Variants in CAMTA1 observed in about 807,000 individuals in gnomAD.
CAMTA1 encodes calmodulin-binding transcription activator 1.
Under a neutral mutation model 170.9 loss-of-function variants are expected in CAMTA1, and 27 were observed. The ratio of observed to expected loss-of-function variants is 0.16; its 90% CI spans 0.12 to 0.22. The LOEUF is 0.22. Among genes scored for constraint, CAMTA1 ranks in the 10% least tolerant of loss-of-function variants. CAMTA1 has a pLI of 1.00. For missense variants in CAMTA1, 1,619 were observed against 2,217.2 expected, an observed-to-expected ratio of 0.73 and a Z score of 5.42; for synonymous variants, 833 against 891.5, an observed-to-expected ratio of 0.93 and a Z score of 1.17.
intron 5 of CAMTA1, among the ~76,000 whole-genome samples, chr1:7,332,178 C>T (rs1208807210): frequency 6.6e-6 from 1 of 152,196 alleles, no homozygotes; most frequent in Non-Finnish European, 1.5e-5. Flanking sequence ...ATCTGCCAGT[C>T]ACTCTGAGTT....
At chr1:7,134,586 G>A (rs1196968157) in intron 4 of CAMTA1, among the ~76,000 whole-genome samples, 1 of 152,126 alleles carries the variant, frequency 6.6e-6, no homozygotes, top group African/African-American at 2.4e-5. Flanking sequence ...GGGATTATAG[G>A]ACTGAGCCAC....
intron 4 of CAMTA1, among the ~76,000 whole-genome samples, chr1:7,244,688 C>A (rs1383857864): frequency 2.0e-5 from 3 of 150,424 alleles, no homozygotes; most frequent in African/African-American, 7.4e-5. Context: ...GGGAACTGAA[C>A]AATGAGAGCC....
chr1:7,556,651 C>A (rs2094882505), intron 6 of CAMTA1, among the ~76,000 whole-genome samples: 1 of 152,158 alleles, frequency 6.6e-6, no homozygotes, highest in South Asian at 2.1e-4. Context: ...ACGCTCCAGA[C>A]ACACTGGCCT....
chr1:7,107,301 T>TGTGTGCGCGC (rs765615131), intron 4 of CAMTA1, among the ~76,000 whole-genome samples: 4 of 151,046 alleles, frequency 2.6e-5, no homozygotes, highest in African/African-American at 9.8e-5. Flanking sequence ...TGTGTGTGTG[T>TGTGTGCGCGC]GCGCGCCCAC....
In CAMTA1 at chr1:7,269,410, G is replaced by A. The variant is rs547315333; in HGVS notation, c.438+19784G>A. Reference sequence around the variant, plus strand: ...GAGAAAGTTTGCTAGCAATATAGAAGTCACAGTTTTTTGTAACCTTATTAC... The same window carrying A: ...GAGAAAGTTTGCTAGCAATATAGAAATCACAGTTTTTTGTAACCTTATTAC... On this transcript the variant is annotated intron_variant, in intron 5 of 22. Transcript: ENST00000303635. Among the ~76,000 whole-genome samples, 4 of 152,306 alleles carry A rather than the reference G, an allele frequency of 2.6e-5. No individual in the cohort carries two copies. In the South Asian group the frequency reaches 8.3e-4, roughly 32 times the overall value.
At chr1:7,764,835 C>A (rs942816999) in intron 22 of CAMTA1, among the ~76,000 whole-genome samples, 2 of 152,038 alleles carry the variant, frequency 1.3e-5, no homozygotes, top group African/African-American at 4.8e-5. Flanking sequence ...TGGTGCGTGC[C>A]TGTAATCCCA....
intron 7 of CAMTA1, among the ~76,000 whole-genome samples, chr1:7,643,830 C>T (rs2095784822): frequency 6.6e-6 from 1 of 152,312 alleles, no homozygotes; most frequent in Non-Finnish European, 1.5e-5. Context: ...CCTGGAAATG[C>T]GGCTGCAGGA....
chr1:7,346,655 G>A (rs150794779), intron 5 of CAMTA1, among the ~76,000 whole-genome samples: 93 of 152,250 alleles, frequency 6.1e-4, no homozygotes, highest in African/African-American at 2.0e-3. Context: ...TTAAGTTTGC[G>A]CCTCCAGAAG....
At position 7,044,093 on chromosome 1, in the gene CAMTA1, G is replaced by A. The variant is rs1704953953; in HGVS notation, c.235-47211G>A. Among the ~76,000 whole-genome samples, 1 of 152,216 alleles carries A rather than the reference G, an allele frequency of 6.6e-6. No individual in the cohort carries two copies. Among genetic ancestry groups the A allele is most frequent in the Admixed American group, 6.5e-5 (1 of 15,286 alleles). ...GCAGTGATCTACGGGAGATGCTGCC[G>A]CCATCCCCTTCAGTGGGAATTTCTC... On this transcript the variant is annotated intron_variant, in intron 3 of 22. Coordinates refer to ENST00000303635, the MANE Select transcript of CAMTA1 (RefSeq NM_015215.4). This position sits in a 1 kb window ranked among gnomAD's most constrained non-coding sequence, Gnocchi z 5.0.
chr1:7,417,668 C>T (rs956253297), intron 5 of CAMTA1, among the ~76,000 whole-genome samples: 6 of 152,284 alleles, frequency 3.9e-5, no homozygotes, highest in South Asian at 4.1e-4. Flanking sequence ...TTCCAGGTGC[C>T]GTCTGTCACC....
intron 5 of CAMTA1, among the ~76,000 whole-genome samples, chr1:7,296,150 G>C (rs1673909339): frequency 6.6e-6 from 1 of 152,200 alleles, no homozygotes; most frequent in Admixed American, 6.5e-5. Flanking sequence ...TGCTTCATCA[G>C]AGTGAGCAAG....
intron 3 of CAMTA1, among the ~76,000 whole-genome samples, chr1:6,899,154 G>A (rs1432720704): frequency 6.6e-6 from 1 of 152,180 alleles, no homozygotes; most frequent in Non-Finnish European, 1.5e-5. Context: ...ATGCACTGTG[G>A]ATGATAAATA....
rs548607087 is a variant in CAMTA1 at position 7,499,275 on chromosome 1, T to A, written c.510+31374T>A. Among the ~76,000 whole-genome samples, 6 of 117,312 alleles carry A rather than the reference T, an allele frequency of 5.1e-5. No homozygotes were observed. In the South Asian group the frequency reaches 8.5e-4, roughly 17 times the overall value. The allele number at this position is 117,312 out of a possible 152,430, so 77.0% of individuals were successfully genotyped here. A position where few individuals can be genotyped will look rare whatever the true frequency, so the allele number is the denominator to read the frequency against. On this transcript the variant is annotated intron_variant, in intron 6 of 22. Coordinates refer to ENST00000303635, the MANE Select transcript of CAMTA1 (RefSeq NM_015215.4). ...TACATGAGTGAGTGTGTAGAGAGGA[T>A]GGTGTGAGCCTGGTGTGCGTGTGTA...
intron 3 of CAMTA1, among the ~76,000 whole-genome samples, chr1:6,908,690 A>G (rs894333058): frequency 6.6e-6 from 1 of 152,222 alleles, no homozygotes; most frequent in Non-Finnish European, 1.5e-5. Flanking sequence ...TTCAACTTTG[A>G]TAACATACCC....
At chr1:6,917,292 G>A (rs900704100) in intron 3 of CAMTA1, among the ~76,000 whole-genome samples, 3 of 152,060 alleles carry the variant, frequency 2.0e-5, no homozygotes, top group South Asian at 4.1e-4. Flanking sequence ...GCAGGTGGGC[G>A]GGATGCAGGG....
At chr1:6,975,683 T>C (rs961543684) in intron 3 of CAMTA1, among the ~76,000 whole-genome samples, 1 of 152,166 alleles carries the variant, frequency 6.6e-6, no homozygotes, top group Admixed American at 6.5e-5. Context: ...AATTCACTCA[T>C]GTAAAGCCTA....
rs549427298 is a variant in CAMTA1 at position 7,698,182 on chromosome 1, G to T, written c.2914+20449G>T. 3.6e-3 allele frequency: 545 copies of T among 152,062 alleles called. 2 individuals carry two copies. Among genetic ancestry groups the T allele is most frequent in the South Asian group, 0.017 (82 of 4,818 alleles). The allele number at this position is 152,062 out of a possible 1,614,324, so 9.4% of individuals were successfully genotyped here. On this transcript the variant is annotated intron_variant, in intron 11 of 22. Coordinates refer to ENST00000303635, the MANE Select transcript of CAMTA1 (RefSeq NM_015215.4). ...AATTATGTTGAGACTCTAGTCCAGG[G>T]TGTCCAATCTTTTGTCTTCCCTGGG...
intron 3 of CAMTA1, among the ~76,000 whole-genome samples, chr1:6,866,654 A>G (rs1218784870): frequency 2.6e-5 from 4 of 152,194 alleles, no homozygotes; most frequent in Non-Finnish European, 4.4e-5. Flanking sequence ...AAATTTAAGC[A>G]TATTTTGTGG....
rs143871305 is a variant in CAMTA1 at position 7,740,964 on chromosome 1, T to C, written c.4182+2482T>C. On this transcript the variant is annotated intron_variant, in intron 16 of 22. Transcript: ENST00000303635. ...AAGATAACACTTAAAAATAATGAAATAATTTTAGAAAAAGTGGCAAAACCG... is the reference window on the plus strand; with the variant it reads ...AAGATAACACTTAAAAATAATGAAACAATTTTAGAAAAAGTGGCAAAACCG... 2.4e-4 allele frequency among the ~76,000 whole-genome samples: 37 copies of C among 152,226 alleles called. No homozygotes were observed. In the East Asian group the frequency reaches 6.7e-3, roughly 28 times the overall value.
Sources: gnomAD v4.1 joint callset for allele counts (sites outside exome capture counted in the v4.1 genomes callset) on GRCh38, gnomAD v4.1.1 for gene constraint, Gnocchi (gnomAD v3.1) non-coding constraint, MANE v1.5 for transcripts, NCBI Gene and HGNC (gene_info 2026-07-23, HGNC 2026-07-21) for gene names.